OS9: variants seen among roughly 807,000 people sequenced by gnomAD.
The protein encoded by OS9 is OS9 endoplasmic reticulum lectin.
A neutral mutation model predicts 84.7 loss-of-function variants in OS9; 58 were observed. The observed-to-expected ratio is 0.68, with a 90% confidence interval of 0.55 to 0.85. OS9 has a LOEUF of 0.85. Ranked by LOEUF, OS9 falls within the 40% of genes least tolerant of loss-of-function variation. OS9 has a pLI of 0.00. For missense variants in OS9, 760 were observed against 850.9 expected, an observed-to-expected ratio of 0.89 and a Z score of 1.33; for synonymous variants, 278 against 320.8, an observed-to-expected ratio of 0.87 and a Z score of 1.43.
intron 14 of OS9, 89 bp downstream of exon 14, chr12:57,720,607 C>T: frequency 7.8e-7 from 1 of 1,286,900 alleles, no homozygotes; most frequent in Non-Finnish European, 1.1e-6. Context: ...GCTGAGCTTC[C>T]ATTTCCTGAT....
At chr12:57,695,272 C>T (rs940500365) in intron 2 of OS9, 1 of 391,908 alleles carries the variant, frequency 2.6e-6, no homozygotes, top group Non-Finnish European at 4.8e-6. Flanking sequence ...CATCGTAGCA[C>T]TTTTCATGAT....
intron 5 of OS9, among the ~76,000 whole-genome samples, chr12:57,713,278 G>A (rs1379651523): frequency 6.6e-6 from 1 of 152,162 alleles, no homozygotes. Context: ...TTGGAGCCCT[G>A]TATTCTTACG....
intron 12 of OS9, chr12:57,719,758 A>G (rs1954618652): frequency 8.0e-6 from 2 of 250,830 alleles, no homozygotes; most frequent in South Asian, 6.6e-5. Flanking sequence ...GTCCCAACAT[A>G]TGGAGGAGGA....
intron 5 of OS9, 57 bp downstream of exon 5, chr12:57,696,430 G>C: frequency 2.1e-6 from 1 of 472,522 alleles, no homozygotes; most frequent in Non-Finnish European, 3.6e-6. Context: ...GATTCTAAGG[G>C]AAGAGGGTTG....
At chr12:57,701,661 A>G (rs1954029933) in intron 5 of OS9, among the ~76,000 whole-genome samples, 2 of 152,096 alleles carry the variant, frequency 1.3e-5, no homozygotes, top group Non-Finnish European at 2.9e-5. Context: ...TTCAACTCTA[A>G]TGCCCTTATA....
intron 5 of OS9, among the ~76,000 whole-genome samples, chr12:57,699,046 GAC>G (rs1368745416): frequency 1.3e-5 from 2 of 152,168 alleles, no homozygotes; most frequent in African/African-American, 4.8e-5. Flanking sequence ...AATATTTAGA[GAC>G]AGATTTAGGG....
In OS9 at chr12:57,716,458, G is replaced by T. The variant is rs1254692325; in HGVS notation, c.939G>T (p.Lys313Asn). 1.9e-6 allele frequency: 3 copies of T among 1,570,882 alleles called. No homozygotes were observed. The highest frequency in any genetic ancestry group is 1.7e-4 in the Middle Eastern group (1 of 6,018). ...ACAGTAAGGACTCAGATTTCTGGAA[G>T]ATGCTTAATGAGCCAGAGGACCAGG... ...KDDSKDSDFW[K>N]MLNEPEDQAP... The change falls in exon 8 of 15, where the codon AAG becomes AAT. Residue 313 changes from lysine (K) to asparagine (N), a missense_variant. Physicochemically the swap from Lys to Asn is moderately conservative, Grantham distance 94. Transcript: ENST00000315970.
Position 57,713,441 on chromosome 12 carries a change from T to A in OS9, c.580-2319T>A, listed in dbSNP as rs181752696. The stretch of plus-strand genomic sequence containing the variant: ...TCTGCTCTCTCGGTTTGCATCTCCT[T>A]TTGTGAAACCTCCACTCTCTGAGCA... On this transcript the variant is annotated intron_variant, in intron 5 of 14. Transcript: ENST00000315970. 7.0e-3 allele frequency among the ~76,000 whole-genome samples: 1,059 copies of A among 152,208 alleles called. 9 individuals carry two copies. The highest frequency in any genetic ancestry group is 0.024 in the African/African-American group (1,000 of 41,532).
chr12:57,696,457 C>T (rs56831005), intron 5 of OS9, 84 bp downstream of exon 5: 784 of 56,894 alleles, frequency 0.014, 43 homozygotes, highest in Non-Finnish European at 0.019. Context: ...ATAGTCGGGG[C>T]GGGGGCGGGG....
At chr12:57,714,207 GT>G (rs1470094169) in intron 5 of OS9, among the ~76,000 whole-genome samples, 1 of 152,090 alleles carries the variant, frequency 6.6e-6, no homozygotes, top group Non-Finnish European at 1.5e-5. Flanking sequence ...CTTTATGTTT[GT>G]TTGTTTGTTT....
chr12:57,698,178 A>C (rs535495976), intron 5 of OS9, among the ~76,000 whole-genome samples: 1 of 152,316 alleles, frequency 6.6e-6, no homozygotes, highest in South Asian at 2.1e-4. Context: ...TTATTCATTG[A>C]ATGAATGAAA....
chr12:57,703,327 C>T (rs1482661916), intron 5 of OS9, among the ~76,000 whole-genome samples: 1 of 152,116 alleles, frequency 6.6e-6, no homozygotes, highest in African/African-American at 2.4e-5. Flanking sequence ...CCTCAAACTC[C>T]TGGGCTCAGG....
rs747887445 is a variant in OS9, at chr12:57,715,869, A to C, written c.689A>C (p.His230Pro). The C allele has an allele frequency of 6.2e-7, 1 of 1,611,422 alleles. No individual in the cohort carries two copies. Among genetic ancestry groups the C allele is most frequent in the African/African-American group, 1.3e-5 (1 of 74,300 alleles). Residue 230 changes from histidine to proline, a missense_variant, in exon 6 of 15, where the codon CAC becomes CCC. Coordinates refer to ENST00000315970, the MANE Select transcript of OS9 (RefSeq NM_006812.4). ...ATTCGCACTCCTCGGCTCTGCCCCC[A>C]CCCTCTCCTCCGGCCCCCACCCAGT... ...LTIRTPRLCP[H>P]PLLRPPPSAA...
At chr12:57,713,043 A>T (rs910865816) in intron 5 of OS9, among the ~76,000 whole-genome samples, 7 of 152,030 alleles carry the variant, frequency 4.6e-5, no homozygotes, top group Non-Finnish European at 8.8e-5. Flanking sequence ...CTAGTTTTTG[A>T]GGGCAATATA....
chr12:57,711,286 T>C (rs1477100324), intron 5 of OS9, among the ~76,000 whole-genome samples: 3 of 150,916 alleles, frequency 2.0e-5, no homozygotes, highest in East Asian at 3.9e-4. Context: ...TATACCTTGC[T>C]TTTATTTCCC....
rs752507413 is a variant in OS9 at position 57,716,768 on chromosome 12, T to G, written c.1045+24T>G. The G allele has an allele frequency of 1.2e-5, 20 of 1,604,464 alleles. No homozygotes were observed. In the Admixed American group the frequency reaches 3.3e-4, roughly 27 times the overall value. ...TGGTGAGTGAACCTTCCATGTCTCC[T>G]TTACTGAATATATTTTAGGATTGGC... On this transcript the variant is annotated intron_variant, in intron 9 of 14. Transcript: ENST00000315970.
In OS9 at chr12:57,694,146, A is replaced by G. The variant is rs1483707492; in HGVS notation, c.-16A>G. On this transcript the variant is annotated 5_prime_UTR_variant, in exon 1 of 15. Coordinates refer to ENST00000315970, the MANE Select transcript of OS9 (RefSeq NM_006812.4). ...AGGGCGGAAACAGATTCTCTGCATA[A>G]GAAGGGGAACGAAAGATGGCGGCGG... 1.2e-6 allele frequency: 2 copies of G among 1,614,088 alleles called. No homozygotes were observed. Among genetic ancestry groups the G allele is most frequent in the Non-Finnish European group, 1.7e-6 (2 of 1,179,932 alleles).
At chr12:57,696,528 G>A (rs1216344398) in intron 5 of OS9, among the ~76,000 whole-genome samples, 155 bp downstream of exon 5, 1 of 152,114 alleles carries the variant, frequency 6.6e-6, no homozygotes, top group Non-Finnish European at 1.5e-5. Context: ...GGGCGCAGTG[G>A]CTTATGCCTG....
rs1452287455 is a variant in OS9 at position 57,716,459 on chromosome 12, A to T, written c.940A>T (p.Met314Leu). The change falls in exon 8 of 15, where the codon ATG becomes TTG. Residue 314 changes from methionine to leucine, a missense_variant. Physicochemically the swap from Met to Leu is conservative, Grantham distance 15. Coordinates refer to ENST00000315970, the MANE Select transcript of OS9 (RefSeq NM_006812.4). ...DDSKDSDFWKMLNEPEDQAPG... is the reference protein window; with the variant it reads ...DDSKDSDFWKLLNEPEDQAPG... ...CAGTAAGGACTCAGATTTCTGGAAG[A>T]TGCTTAATGAGCCAGAGGACCAGGC... is the stretch of plus-strand genomic sequence containing the variant. The T allele has an allele frequency of 6.4e-7, 1 of 1,571,166 alleles. No homozygotes were observed. Among genetic ancestry groups the T allele is most frequent in the Non-Finnish European group, 8.6e-7 (1 of 1,157,286 alleles).
Sources: allele counts gnomAD v4.1 joint callset (sites outside exome capture counted in the v4.1 genomes callset), GRCh38; gene constraint gnomAD v4.1.1; transcripts MANE v1.5; gene names NCBI Gene and HGNC (gene_info 2026-07-23, HGNC 2026-07-21).